Variants in AOAH observed in about 807,000 individuals in gnomAD.
AOAH encodes the protein acyloxyacyl hydrolase (neutrophil).
A neutral mutation model predicts 92.2 loss-of-function variants in AOAH; 64 were observed. The observed-to-expected ratio is 0.69, with a 90% CI of 0.57 to 0.86. AOAH has a LOEUF of 0.86. AOAH is among the 40% of genes least tolerant of loss of function. The pLI is 0.00. For synonymous variants in AOAH, 263 were observed against 254.5 expected (o/e 1.03, Z -0.32); for missense variants, 656 against 694.6 (o/e 0.94, Z 0.62).
chr7:36,610,511 TAAA>T (rs70977167), intron 11 of AOAH, among the ~76,000 whole-genome samples: 1 of 66,838 alleles, frequency 1.5e-5, no homozygotes, highest in African/African-American at 4.4e-5. Flanking sequence ...TTTTTTTTTT[TAAA>T]AAAAAAGAAT....
At chr7:36,577,334 T>A (rs939904603) in intron 12 of AOAH, among the ~76,000 whole-genome samples, 19 of 152,082 alleles carry the variant, frequency 1.2e-4, no homozygotes, top group Admixed American at 8.5e-4. Context: ...CTTTCTCCAG[T>A]CTCCTGCCCA....
chr7:36,687,054 G>A (rs938220378), intron 1 of AOAH, among the ~76,000 whole-genome samples: 1 of 152,132 alleles, frequency 6.6e-6, no homozygotes, highest in African/African-American at 2.4e-5. Context: ...TGCAGAATAG[G>A]ATTGTTCCCA....
intron 16 of AOAH, among the ~76,000 whole-genome samples, chr7:36,536,998 G>GC (rs1785107039): frequency 7.4e-6 from 1 of 135,012 alleles, no homozygotes; most frequent in African/African-American, 2.7e-5. Context: ...TCCTAATGCA[G>GC]CCCCCTCTTG....
At chr7:36,550,007 A>T (rs965179333) in intron 13 of AOAH, 3 of 153,596 alleles carry the variant, frequency 2.0e-5, no homozygotes, top group African/African-American at 7.2e-5. Flanking sequence ...TCTTGTAATG[A>T]TATGCATGAC....
At chr7:36,547,873 T>C (rs1013363387) in intron 15 of AOAH, among the ~76,000 whole-genome samples, 5 of 152,090 alleles carry the variant, frequency 3.3e-5, no homozygotes, top group Non-Finnish European at 5.9e-5. Context: ...TGCCCATGAG[T>C]TATCCGCAGT....
intron 16 of AOAH, among the ~76,000 whole-genome samples, chr7:36,534,705 T>G (rs180740254): frequency 6.6e-6 from 1 of 152,342 alleles, no homozygotes; most frequent in East Asian, 1.9e-4. Context: ...ATGGGGTGCA[T>G]GAAGAGAGGT....
intron 1 of AOAH, among the ~76,000 whole-genome samples, chr7:36,690,459 ATGTGTTC>A (rs1554318177): frequency 1.3e-5 from 2 of 152,090 alleles, no homozygotes; most frequent in Non-Finnish European, 2.9e-5. Flanking sequence ...GTGCAGTGAG[ATGTGTTC>A]TGAATCCTTT....
intron 1 of AOAH, among the ~76,000 whole-genome samples, chr7:36,716,638 C>T (rs1342971088): frequency 8.6e-6 from 1 of 115,850 alleles, no homozygotes; most frequent in East Asian, 3.5e-4. Flanking sequence ...GAATACTATG[C>T]AGCCATAAAC....
chr7:36,544,435 G>A (rs1331966156), intron 15 of AOAH, among the ~76,000 whole-genome samples: 4 of 152,102 alleles, frequency 2.6e-5, no homozygotes, highest in Admixed American at 2.6e-4. Context: ...TTCAACCCAG[G>A]TGTCCCAGGC....
chr7:36,534,970 CTCTGTG>C lies in AOAH; in HGVS notation c.1307-2632_1307-2627del, dbSNP rs1562543017. On this transcript the variant is annotated intron_variant, in intron 16 of 20. Transcript: ENST00000617537. ...TCTGTGTGTGTATCTGTGTCTGTGT[CTCTGTG>C]TGTGTGTTTGTGTGTGTCTGCTTGT... 1.7e-4 allele frequency among the ~76,000 whole-genome samples: 22 copies of C among 131,832 alleles called. No individual in the cohort carries two copies. In the South Asian group the frequency reaches 4.4e-3, roughly 27 times the overall value. The allele number at this position is 131,832 out of a possible 152,430, so 86.5% of individuals were successfully genotyped here. A position where few individuals can be genotyped will look rare whatever the true frequency, so the allele number is the denominator to read the frequency against.
chr7:36,679,401 TAGAG>T (rs1378961323), intron 2 of AOAH, among the ~76,000 whole-genome samples: 2 of 151,312 alleles, frequency 1.3e-5, no homozygotes, highest in Non-Finnish European at 1.5e-5. Flanking sequence ...CATTAAGACT[TAGAG>T]AGCTTAAGAT....
chr7:36,617,106 A>T (rs1048089069), intron 10 of AOAH, among the ~76,000 whole-genome samples: 1 of 152,204 alleles, frequency 6.6e-6, no homozygotes, highest in Admixed American at 6.5e-5. Context: ...GACTGAATTG[A>T]TGCCTCCCAG....
intron 12 of AOAH, 65 bp from the exon 13 acceptor site, chr7:36,576,721 C>T: frequency 1.3e-6 from 1 of 760,850 alleles, no homozygotes; most frequent in South Asian, 2.2e-5. Flanking sequence ...TTAAACAAAC[C>T]ATGTTTACAT....
At chr7:36,601,385 G>GGA (rs1562609046) in intron 11 of AOAH, among the ~76,000 whole-genome samples, 3 of 141,972 alleles carry the variant, frequency 2.1e-5, no homozygotes, top group African/African-American at 7.5e-5. Flanking sequence ...GGAAGGGGAG[G>GGA]GAGAGAGAGA....
intron 4 of AOAH, among the ~76,000 whole-genome samples, chr7:36,641,943 C>T (rs1342642422): frequency 6.6e-6 from 1 of 152,138 alleles, no homozygotes; most frequent in African/African-American, 2.4e-5. Context: ...CTCACTAAAA[C>T]ACTTCTGTCT....
intron 5 of AOAH, among the ~76,000 whole-genome samples, chr7:36,635,661 T>C (rs1583997875): frequency 6.6e-6 from 1 of 152,290 alleles, no homozygotes. Flanking sequence ...GTGACGTAAA[T>C]GGTGCTCCCC....
intron 1 of AOAH, among the ~76,000 whole-genome samples, chr7:36,694,203 T>A (rs909262744): frequency 6.6e-6 from 1 of 152,166 alleles, no homozygotes; most frequent in African/African-American, 2.4e-5. Flanking sequence ...TGTGAAAGCC[T>A]AATGCACTCA....
At chr7:36,572,429 G>T (rs1306930538) in intron 13 of AOAH, among the ~76,000 whole-genome samples, 1 of 151,954 alleles carries the variant, frequency 6.6e-6, no homozygotes, top group East Asian at 1.9e-4. Flanking sequence ...AGGCTAAGGT[G>T]GGAGGATCAC....
chr7:36,706,024 A>C (rs4723558), intron 1 of AOAH, among the ~76,000 whole-genome samples: 1 of 151,926 alleles, frequency 6.6e-6, no homozygotes, highest in South Asian at 2.1e-4. Flanking sequence ...TGGATTAAAC[A>C]TAAGACCTAA....
Sources: gnomAD v4.1 joint callset for allele counts (sites outside exome capture counted in the v4.1 genomes callset) on GRCh38, gnomAD v4.1.1 for gene constraint, MANE v1.5 for transcripts, NCBI Gene and HGNC (gene_info 2026-07-23, HGNC 2026-07-21) for gene names.